HTR4: variants seen among roughly 807,000 people sequenced by gnomAD.
The protein encoded by HTR4 is 5-hydroxytryptamine receptor 4.
Under a neutral mutation model 36.8 loss-of-function variants are expected in HTR4, and 16 were observed. That is an observed-to-expected ratio of 0.43 (90% CI 0.29 to 0.66). The LOEUF (loss-of-function observed/expected upper bound fraction) is 0.66, where lower values mean the gene tolerates loss of function less well. HTR4 is among the 30% of genes least tolerant of loss of function. HTR4 has a pLI of 0.13. For missense variants in HTR4, 438 were observed against 490.9 expected, an observed-to-expected ratio of 0.89 and a Z score of 1.02; for synonymous variants, 189 against 185.1, an observed-to-expected ratio of 1.02 and a Z score of -0.17.
intron 3 of HTR4, among the ~76,000 whole-genome samples, chr5:148,549,750 G>A (rs370536166): frequency 4.6e-5 from 7 of 151,376 alleles, no homozygotes; most frequent in African/African-American, 1.7e-4. Flanking sequence ...AGCCAGGGTT[G>A]AGACTGATGA....
At chr5:148,532,267 C>G (rs923833363) in intron 4 of HTR4, among the ~76,000 whole-genome samples, 1 of 152,044 alleles carries the variant, frequency 6.6e-6, no homozygotes, top group African/African-American at 2.4e-5. Flanking sequence ...ACACCTGTGC[C>G]CCTAAAAAAG....
chr5:148,608,493 T>C (rs1164063070), intron 2 of HTR4, among the ~76,000 whole-genome samples: 2 of 151,978 alleles, frequency 1.3e-5, no homozygotes, highest in African/African-American at 4.8e-5. Flanking sequence ...ATGGAAGTAA[T>C]GCATTAGAAC....
At chr5:148,454,511 A>T (rs1194217253) in intron 5 of HTR4, among the ~76,000 whole-genome samples, 1 of 152,168 alleles carries the variant, frequency 6.6e-6, no homozygotes, top group African/African-American at 2.4e-5. Flanking sequence ...GATGATGTAC[A>T]CATAGCCTTA....
intron 2 of HTR4, among the ~76,000 whole-genome samples, chr5:148,632,151 A>G (rs1432317302): frequency 6.6e-6 from 1 of 152,162 alleles, no homozygotes; most frequent in African/African-American, 2.4e-5. Flanking sequence ...TTATTTAAAA[A>G]GCAAAGGAAA....
intron 2 of HTR4, among the ~76,000 whole-genome samples, chr5:148,577,657 G>A (rs796990268): frequency 1.3e-5 from 2 of 152,016 alleles, no homozygotes; most frequent in African/African-American, 2.4e-5. Flanking sequence ...ATAAGATCAC[G>A]TCTTTTGCAG....
At chr5:148,579,822 A>G (rs552659747) in intron 2 of HTR4, among the ~76,000 whole-genome samples, 4 of 152,140 alleles carry the variant, frequency 2.6e-5, no homozygotes, top group African/African-American at 9.6e-5. Flanking sequence ...TTTTTCCCAC[A>G]TATCAAATCA....
intron 1 of HTR4, chr5:148,645,547 C>T (rs1245860566): frequency 6.6e-6 from 1 of 152,114 alleles, no homozygotes; most frequent in Non-Finnish European, 1.5e-5. Context: ...TGGAATCTGT[C>T]CTAGTTCTAT....
chr5:148,541,327 C>G (rs1468231357), intron 4 of HTR4, among the ~76,000 whole-genome samples: 2 of 152,152 alleles, frequency 1.3e-5, no homozygotes, highest in Admixed American at 1.3e-4. Flanking sequence ...GCATTCAGTG[C>G]TCAGCCAAAC....
At chr5:148,589,830 A>C (rs1267800640) in intron 2 of HTR4, among the ~76,000 whole-genome samples, 2 of 152,174 alleles carry the variant, frequency 1.3e-5, no homozygotes, top group Non-Finnish European at 2.9e-5. Context: ...GCCACCTCAC[A>C]AACATCATCT....
chr5:148,523,338 G>A lies in HTR4; in HGVS notation c.362C>T (p.Ala121Val), dbSNP rs201353257. The A allele has an allele frequency of 6.2e-7, 1 of 1,609,170 alleles. No homozygotes were observed. The highest frequency in any genetic ancestry group is 8.5e-7 in the Non-Finnish European group (1 of 1,178,140). Residue 121 changes from alanine (A) to valine (V), a missense_variant, in exon 5 of 7, where the codon GCC (alanine) becomes GTC (valine). Physicochemically the swap from Ala to Val is moderately conservative, Grantham distance 64. Transcript: ENST00000377888. The part of the protein sequence containing the change: ...LCCISLDRYY[A>V]ICCQPLVYRN... Reference sequence around the variant, plus strand: ...ATAGACCAAAGGCTGGCAGCAGATGGCGTAATACCTGGAGAGAGAATAGAG... The same window carrying A: ...ATAGACCAAAGGCTGGCAGCAGATGACGTAATACCTGGAGAGAGAATAGAG...
chr5:148,574,757 G>T (rs1006772224), intron 2 of HTR4, among the ~76,000 whole-genome samples: 17 of 151,952 alleles, frequency 1.1e-4, no homozygotes, highest in African/African-American at 3.9e-4. Flanking sequence ...TGTAATATAC[G>T]GTGCTTCTTA....
chr5:148,619,116 G>T (rs1290855901), intron 2 of HTR4, among the ~76,000 whole-genome samples: 4 of 152,142 alleles, frequency 2.6e-5, no homozygotes, highest in Non-Finnish European at 4.4e-5. Flanking sequence ...AAGGACCTAG[G>T]AATAAGGAGT....
At chr5:148,507,084 T>C (rs1336945705) in intron 6 of HTR4, among the ~76,000 whole-genome samples, 2 of 152,090 alleles carry the variant, frequency 1.3e-5, no homozygotes, top group African/African-American at 4.8e-5. Context: ...CGTATGTTTA[T>C]TGCGGCACTA....
chr5:148,515,034 C>A (rs1440558897), intron 5 of HTR4, among the ~76,000 whole-genome samples: 2 of 151,960 alleles, frequency 1.3e-5, no homozygotes, highest in African/African-American at 4.8e-5. Context: ...ACTAAAATTG[C>A]AAATTGATTT....
rs547635119 is a variant in HTR4, at chr5:148,505,072, G to A, written c.1076+4384C>T. ...CGAATTCTACCAGAGGTACAAGGAGGAGCTGGTACCATTCCAATATCCCTG... is the reference window on the plus strand; with the variant it reads ...CGAATTCTACCAGAGGTACAAGGAGAAGCTGGTACCATTCCAATATCCCTG... On this transcript the variant is annotated intron_variant, in intron 6 of 6. Transcript: ENST00000377888. 2.4e-4 allele frequency among the ~76,000 whole-genome samples: 36 copies of A among 152,072 alleles called. No homozygotes were observed. The Middle Eastern group carries it at 0.01, about 43-fold the overall frequency.
chr5:148,560,235 TA>T (rs1760146198), intron 2 of HTR4, among the ~76,000 whole-genome samples: 2 of 147,426 alleles, frequency 1.4e-5, no homozygotes, highest in East Asian at 2.0e-4. Flanking sequence ...AGAGGAGGAT[TA>T]AATAAGATAG....
intron 4 of HTR4, among the ~76,000 whole-genome samples, chr5:148,529,073 A>G (rs1342444639): frequency 6.6e-6 from 1 of 151,820 alleles, no homozygotes; most frequent in African/African-American, 2.4e-5. Context: ...AGTGTTCGAA[A>G]TTTGCCCAGT....
chr5:148,569,431 T>C (rs894055910), intron 2 of HTR4, among the ~76,000 whole-genome samples: 11 of 152,066 alleles, frequency 7.2e-5, no homozygotes, highest in Non-Finnish European at 1.6e-4. Context: ...GATGAGTTGA[T>C]AGGTGCAGCA....
At chr5:148,537,617 A>C (rs1218466495) in intron 4 of HTR4, among the ~76,000 whole-genome samples, 1 of 152,158 alleles carries the variant, frequency 6.6e-6, no homozygotes, top group African/African-American at 2.4e-5. Context: ...CTCTATGCAC[A>C]CTAACTAGAA....
Sources: allele counts gnomAD v4.1 joint callset (sites outside exome capture counted in the v4.1 genomes callset), GRCh38; gene constraint gnomAD v4.1.1; transcripts MANE v1.5; gene names NCBI Gene and HGNC (gene_info 2026-07-23, HGNC 2026-07-21).